The following ESYT2 variants were observed in gnomAD, a reference collection of about 807,000 sequenced individuals.
The protein encoded by ESYT2 is extended synaptotagmin-2.
A neutral mutation model predicts 107.2 loss-of-function variants in ESYT2; 54 were observed. The ratio of observed to expected loss-of-function variants is 0.50; its 90% CI spans 0.40 to 0.63. The LOEUF is 0.63. ESYT2 is among the 30% of genes least tolerant of loss of function. The pLI, the probability that ESYT2 is intolerant of heterozygous loss-of-function variation, is 0.00. For missense variants in ESYT2, 1,020 were observed against 1,094.5 expected, an observed-to-expected ratio of 0.93 and a Z score of 0.96; for synonymous variants, 491 against 434.1, an observed-to-expected ratio of 1.13 and a Z score of -1.63.
At chr7:158,798,646 C>CAAAAAAAAAAAAAA (rs57351086) in intron 2 of ESYT2, among the ~76,000 whole-genome samples, 10 of 49,858 alleles carry the variant, frequency 2.0e-4, no homozygotes, top group Non-Finnish European at 3.3e-4. Context: ...AGCTCCGTCT[C>CAAAAAAAAAAAAAA]AAAAAAAAAA....
intron 1 of ESYT2, among the ~76,000 whole-genome samples, chr7:158,818,087 G>A (rs911251203): frequency 3.9e-5 from 6 of 152,150 alleles, no homozygotes; most frequent in Admixed American, 3.9e-4. Flanking sequence ...AACTGACCCC[G>A]AAATAGGATG....
At chr7:158,747,205 AGGTGTGGT>A (rs1048781161) in intron 16 of ESYT2, among the ~76,000 whole-genome samples, 8 of 150,328 alleles carry the variant, frequency 5.3e-5, no homozygotes, top group African/African-American at 1.7e-4. Flanking sequence ...GAAATCAGCC[AGGTGTGGT>A]GGCGCGCACC....
In ESYT2 at chr7:158,798,014, T is replaced by C. The variant is rs769792028; in HGVS notation, c.435A>G (p.Ile145Met). The C allele has an allele frequency of 6.2e-6, 10 of 1,614,204 alleles. No individual in the cohort carries two copies. Among genetic ancestry groups the C allele is most frequent in the Non-Finnish European group, 7.6e-6 (9 of 1,180,020 alleles). ...QFIEKLFRET[I>M]EPAVRGANTH... ...TGTTTGCTCCCCGCACGGCTGGTTCTATAGTTTCTCGAAACAACTTCTCTA... is the reference window on the plus strand; with the variant it reads ...TGTTTGCTCCCCGCACGGCTGGTTCCATAGTTTCTCGAAACAACTTCTCTA... The change falls in exon 3 of 23, where the codon ATA becomes ATG. Residue 145 changes from isoleucine (I) to methionine (M), a missense_variant. Coordinates refer to ENST00000275418, the MANE Select transcript of ESYT2 (RefSeq NM_001367773.1).
rs118174219 is a variant in ESYT2, at chr7:158,769,010, T to A, written c.804-1236A>T. The stretch of plus-strand genomic sequence containing the variant: ...TAACACCTTTACCTGAATTGTGAAG[T>A]TGCGAAAGTACTTTGCTTCTCGCCC... On this transcript the variant is annotated intron_variant, in intron 7 of 22. Transcript: ENST00000275418. Among the ~76,000 whole-genome samples the A allele has an allele frequency of 5.5e-3, 843 of 152,356 alleles. 10 individuals are homozygous for A. Among genetic ancestry groups the A allele is most frequent in the Admixed American group, 0.022 (342 of 15,300 alleles).
chr7:158,778,389 A>T (rs1229797136), intron 6 of ESYT2, among the ~76,000 whole-genome samples: 2 of 151,960 alleles, frequency 1.3e-5, no homozygotes, highest in African/African-American at 4.8e-5. Context: ...GTGATTTTGG[A>T]CCTGTTAATA....
At chr7:158,771,606 C>T (rs139497576) in intron 7 of ESYT2, among the ~76,000 whole-genome samples, 11 of 152,246 alleles carry the variant, frequency 7.2e-5, no homozygotes, top group Non-Finnish European at 1.2e-4. Flanking sequence ...AACAAGCCCA[C>T]GAGGGACACG....
At chr7:158,823,512 G>C (rs976132689) in intron 1 of ESYT2, among the ~76,000 whole-genome samples, 1 of 151,558 alleles carries the variant, frequency 6.6e-6, no homozygotes, top group African/African-American at 2.4e-5. Flanking sequence ...ATTTTTAGTA[G>C]AGACGGGGTC....
chr7:158,820,483 T>A (rs531238366), intron 1 of ESYT2, among the ~76,000 whole-genome samples: 2 of 152,224 alleles, frequency 1.3e-5, no homozygotes, highest in Non-Finnish European at 2.9e-5. Flanking sequence ...ATAATACTTT[T>A]ATCAGATAAA....
chr7:158,777,495 TC>T (rs1449170270), intron 6 of ESYT2, among the ~76,000 whole-genome samples: 6 of 152,186 alleles, frequency 3.9e-5, no homozygotes, highest in African/African-American at 1.4e-4. Flanking sequence ...GAGGGAGTTC[TC>T]ATGAGTTCTG....
chr7:158,759,611 C>T (rs759422779), intron 12 of ESYT2, 30 bp from the exon 13 acceptor site: 10 of 1,560,952 alleles, frequency 6.4e-6, no homozygotes, highest in Non-Finnish European at 8.8e-6. Flanking sequence ...CCCTTAGCAG[C>T]CATGTTTCCA....
intron 1 of ESYT2, among the ~76,000 whole-genome samples, chr7:158,809,469 C>T (rs1839929833): frequency 2.0e-5 from 1 of 50,192 alleles, no homozygotes; most frequent in Non-Finnish European, 3.5e-5. Context: ...AGTAAGAATC[C>T]ATCTCAAAAA....
intron 1 of ESYT2, among the ~76,000 whole-genome samples, chr7:158,807,979 C>T (rs755137741): frequency 5.3e-5 from 8 of 152,168 alleles, no homozygotes; most frequent in Non-Finnish European, 8.8e-5. Context: ...GGCCGTCCAG[C>T]CTCTCTCTCC....
chr7:158,772,737 C>T (rs1838416511), intron 7 of ESYT2, among the ~76,000 whole-genome samples: 1 of 152,034 alleles, frequency 6.6e-6, no homozygotes, highest in African/African-American at 2.4e-5. Flanking sequence ...ACATTTTTCT[C>T]CTGTTTTAGA....
intron 6 of ESYT2, among the ~76,000 whole-genome samples, chr7:158,783,041 C>T (rs748906570): frequency 1.3e-5 from 2 of 152,142 alleles, no homozygotes; most frequent in South Asian, 2.1e-4. Flanking sequence ...CCCATGGACA[C>T]GTGCCTCAGG....
chr7:158,746,918 G>GGTGT (rs1191553397), intron 16 of ESYT2, among the ~76,000 whole-genome samples: 4 of 152,194 alleles, frequency 2.6e-5, no homozygotes, highest in Non-Finnish European at 5.9e-5. Context: ...CAGGCATGGT[G>GGTGT]GTGTCTGCCT....
intron 8 of ESYT2, among the ~76,000 whole-genome samples, chr7:158,765,792 G>C (rs541644104): frequency 6.6e-6 from 1 of 151,928 alleles, no homozygotes; most frequent in East Asian, 1.9e-4. Flanking sequence ...CGAAAATATT[G>C]TTTTATTGAT....
chr7:158,817,193 G>A lies in ESYT2; in HGVS notation c.330+11896C>T, dbSNP rs111310398. Reference sequence around the variant, plus strand: ...GGCCACGATGAGGGGGTGGGGCATCGGACACACCTCATTACCATGACACAG... The same window carrying A: ...GGCCACGATGAGGGGGTGGGGCATCAGACACACCTCATTACCATGACACAG... On this transcript the variant is annotated intron_variant, in intron 1 of 22. Coordinates refer to ENST00000275418, the MANE Select transcript of ESYT2 (RefSeq NM_001367773.1). Among the ~76,000 whole-genome samples the A allele has an allele frequency of 2.0e-4, 31 of 152,222 alleles. No individual in the cohort carries two copies. In the East Asian group the frequency reaches 2.5e-3, roughly 12 times the overall value.
intron 16 of ESYT2, 37 bp downstream of exon 16, chr7:158,748,157 T>C (rs1837466609): frequency 6.3e-7 from 1 of 1,587,126 alleles, no homozygotes; most frequent in African/African-American, 1.3e-5. Context: ...AGTCAATTAT[T>C]TGTCAATAAA....
intron 8 of ESYT2, 123 bp from the exon 9 acceptor site, chr7:158,764,976 C>T: frequency 3.2e-6 from 3 of 933,066 alleles, no homozygotes; most frequent in Non-Finnish European, 4.9e-6. Context: ...AGACCCTCTT[C>T]TGGTGCCGAG....
Sources: allele counts gnomAD v4.1 joint callset (sites outside exome capture counted in the v4.1 genomes callset), GRCh38; gene constraint gnomAD v4.1.1; transcripts MANE v1.5; gene names NCBI Gene and HGNC (gene_info 2026-07-23, HGNC 2026-07-21).